The following KHDRBS2 variants were observed in gnomAD, a reference collection of about 807,000 sequenced individuals.
The protein encoded by KHDRBS2 is KH domain-containing, RNA-binding, signal transduction-associated protein 2.
KHDRBS2 carries 26 observed loss-of-function variants against 44.3 expected under a neutral mutation model. The ratio of observed to expected loss-of-function variants is 0.59; its 90% CI spans 0.43 to 0.81. The LOEUF (loss-of-function observed/expected upper bound fraction) is 0.81. Among genes scored for constraint, KHDRBS2 ranks in the 40% least tolerant of loss-of-function variants. The pLI is 0.00. For missense variants in KHDRBS2, 476 were observed against 433.1 expected, an observed-to-expected ratio of 1.10 and a Z score of -0.88; for synonymous variants, 194 against 151.1, an observed-to-expected ratio of 1.28 and a Z score of -2.08.
intron 7 of KHDRBS2, among the ~76,000 whole-genome samples, chr6:61,707,676 A>C (rs1353217414): frequency 1.3e-5 from 2 of 151,690 alleles, no homozygotes; most frequent in Admixed American, 6.6e-5. Context: ...CATGATTAAC[A>C]CTATCAATAC....
chr6:62,229,495 T>C (rs1832535970), intron 1 of KHDRBS2, among the ~76,000 whole-genome samples: 2 of 152,208 alleles, frequency 1.3e-5, no homozygotes, highest in South Asian at 4.2e-4. Flanking sequence ...GCTCAGATGG[T>C]TTAGACAGCA....
chr6:61,945,542 G>A (rs1813191169), intron 4 of KHDRBS2, among the ~76,000 whole-genome samples: 1 of 151,706 alleles, frequency 6.6e-6, no homozygotes, highest in African/African-American at 2.4e-5. Context: ...AACACATGTA[G>A]GAATATTTTA....
At chr6:62,201,379 G>T (rs1563054366) in intron 1 of KHDRBS2, among the ~76,000 whole-genome samples, 1 of 152,106 alleles carries the variant, frequency 6.6e-6, no homozygotes, top group Non-Finnish European at 1.5e-5. Context: ...AAAGTTGTAA[G>T]AAGGGGCTGT....
chr6:62,062,296 A>G (rs1312081511), intron 2 of KHDRBS2, among the ~76,000 whole-genome samples: 2 of 146,158 alleles, frequency 1.4e-5, no homozygotes, highest in Non-Finnish European at 3.0e-5. Flanking sequence ...CGTCTACAGA[A>G]CTTTCCACCC....
chr6:62,107,486 A>G (rs2127379825), intron 2 of KHDRBS2, among the ~76,000 whole-genome samples: 1 of 152,356 alleles, frequency 6.6e-6, no homozygotes, highest in African/African-American at 2.4e-5. Context: ...CATGGGTAGG[A>G]AGAATCAATA....
chr6:62,104,984 A>T (rs1292642086), intron 2 of KHDRBS2, among the ~76,000 whole-genome samples: 1 of 152,118 alleles, frequency 6.6e-6, no homozygotes, highest in Non-Finnish European at 1.5e-5. Context: ...GAGACATTTA[A>T]AGGAAAATAA....
At chr6:62,259,723 G>C (rs1838019899) in intron 1 of KHDRBS2, among the ~76,000 whole-genome samples, 1 of 151,668 alleles carries the variant, frequency 6.6e-6, no homozygotes. Context: ...AGTAAATTCT[G>C]GACCACAGAA....
the KHDRBS2 span, among the ~76,000 whole-genome samples, chr6:61,650,795 G>A: frequency 1.7e-4 from 26 of 152,040 alleles, 1 homozygote. Context: ...TAAAATAAGA[G>A]TAATTATCAT....
intron 6 of KHDRBS2, among the ~76,000 whole-genome samples, chr6:61,774,046 G>T (rs1268745803): frequency 6.6e-6 from 1 of 152,132 alleles, no homozygotes; most frequent in African/African-American, 2.4e-5. Context: ...GGTTACTGTA[G>T]CCTTGTAGTA....
chr6:61,633,371 G>T, the KHDRBS2 span, among the ~76,000 whole-genome samples: 1 of 152,032 alleles, frequency 6.6e-6, no homozygotes, highest in South Asian at 2.1e-4. Flanking sequence ...GATCCCTACA[G>T]ACCCTTTACA....
At chr6:61,774,835 C>T (rs1268624998) in intron 6 of KHDRBS2, among the ~76,000 whole-genome samples, 5 of 151,926 alleles carry the variant, frequency 3.3e-5, no homozygotes, top group Non-Finnish European at 7.4e-5. Context: ...AGAGACACAA[C>T]CAAAAAAGAG....
chr6:62,136,385 G>A (rs1158108577), intron 2 of KHDRBS2, among the ~76,000 whole-genome samples: 1 of 152,092 alleles, frequency 6.6e-6, no homozygotes, highest in South Asian at 2.1e-4. Flanking sequence ...CTGAACACGA[G>A]GCAGTTTCAC....
the KHDRBS2 span, among the ~76,000 whole-genome samples, chr6:61,547,312 T>C: frequency 6.6e-6 from 1 of 152,170 alleles, no homozygotes; most frequent in Non-Finnish European, 1.5e-5. Flanking sequence ...CTTTTAAGTG[T>C]GCATGCAGAC....
chr6:61,679,443 G>C (rs1766123283), downstream of KHDRBS2, among the ~76,000 whole-genome samples: 2 of 151,832 alleles, frequency 1.3e-5, no homozygotes. Context: ...CTTAATAACT[G>C]AGAATATTTA....
intron 4 of KHDRBS2, among the ~76,000 whole-genome samples, chr6:61,905,990 G>A (rs902032513): frequency 1.3e-5 from 2 of 150,328 alleles, no homozygotes; most frequent in African/African-American, 2.4e-5. Flanking sequence ...TGAGATTACC[G>A]GTGCCCACCA....
intron 4 of KHDRBS2, among the ~76,000 whole-genome samples, chr6:61,934,238 T>G (rs73489437): frequency 0.01 from 1,577 of 152,262 alleles, 28 homozygotes; most frequent in African/African-American, 0.036. Context: ...AATGTTTTCT[T>G]TTTCTTCTGT....
At chr6:61,967,094 A>C (rs1461765991) in intron 4 of KHDRBS2, among the ~76,000 whole-genome samples, 1 of 151,716 alleles carries the variant, frequency 6.6e-6, no homozygotes, top group Non-Finnish European at 1.5e-5. Context: ...TAATTTTAAA[A>C]TTATCTTGTT....
At chr6:61,661,505 A>T in the KHDRBS2 span, 1 of 151,902 alleles carries the variant, frequency 6.6e-6, no homozygotes, top group East Asian at 1.9e-4. Context: ...TACCCAAAAT[A>T]AACTAAATTA....
the KHDRBS2 span, among the ~76,000 whole-genome samples, chr6:61,627,538 C>A: frequency 6.6e-6 from 1 of 152,294 alleles, no homozygotes; most frequent in African/African-American, 2.4e-5. Context: ...GGCCTGACTT[C>A]TGGCTTAGAA....
Sources: gnomAD v4.1 joint callset for allele counts (sites outside exome capture counted in the v4.1 genomes callset) on GRCh38, gnomAD v4.1.1 for gene constraint, MANE v1.5 for transcripts, NCBI Gene and HGNC (gene_info 2026-07-23, HGNC 2026-07-21) for gene names.